The following LHFPL3 variants were observed in gnomAD, a reference collection of about 807,000 sequenced individuals.
LHFPL3 encodes LHFPL tetraspan subfamily member 3 protein.
In LHFPL3, 5 loss-of-function variants were observed where a neutral mutation model predicts 19.3. The observed-to-expected ratio is 0.26, with a 90% CI of 0.14 to 0.54. The LOEUF is 0.54. Ranked by LOEUF, LHFPL3 falls within the 20% of genes least tolerant of loss-of-function variation. The pLI is 0.94. For missense variants in LHFPL3, 249 were observed against 307.4 expected (o/e 0.81, Z 1.42); for synonymous variants, 133 against 126.2 (o/e 1.05, Z -0.36).
At chr7:104,373,185 T>G (rs1237810748) in intron 1 of LHFPL3, among the ~76,000 whole-genome samples, 3 of 152,214 alleles carry the variant, frequency 2.0e-5, no homozygotes, top group Non-Finnish European at 4.4e-5. Context: ...CCCTGTGACA[T>G]CTAATGTAAT....
chr7:104,763,407 A>T (rs1359825855), intron 2 of LHFPL3, among the ~76,000 whole-genome samples: 2 of 152,218 alleles, frequency 1.3e-5, no homozygotes, highest in Non-Finnish European at 2.9e-5. Flanking sequence ...TTGATTTCAG[A>T]AGAAAGAAGG....
At position 104,600,339 on chromosome 7, in the gene LHFPL3, T is replaced by A. The variant is rs1417690297; in HGVS notation, c.446-136336T>A. Among the ~76,000 whole-genome samples the A allele has an allele frequency of 4.6e-5, 7 of 152,194 alleles. No homozygotes were observed. The East Asian group carries it at 1.3e-3, about 29-fold the overall frequency. ...ATACGGAGCTCTGCTCTGTGGAGAATCAAACCCTCAGGAGCAAAAGGAACA... is the reference window on the plus strand; with the variant it reads ...ATACGGAGCTCTGCTCTGTGGAGAAACAAACCCTCAGGAGCAAAAGGAACA... On this transcript the variant is annotated intron_variant, in intron 1 of 2. Transcript: ENST00000424859.
At chr7:104,463,965 C>T (rs1289067517) in intron 1 of LHFPL3, among the ~76,000 whole-genome samples, 4 of 152,292 alleles carry the variant, frequency 2.6e-5, no homozygotes, top group Non-Finnish European at 5.9e-5. Flanking sequence ...CAAAAGTCCA[C>T]GTCCAAAGTC....
intron 2 of LHFPL3, among the ~76,000 whole-genome samples, chr7:104,840,995 G>T (rs1004070230): frequency 1.2e-4 from 19 of 152,218 alleles, no homozygotes; most frequent in African/African-American, 4.3e-4. Flanking sequence ...GAGTGATTTT[G>T]ATATTTGGTG....
intron 2 of LHFPL3, among the ~76,000 whole-genome samples, chr7:104,809,486 C>T (rs1790425544): frequency 6.6e-6 from 1 of 152,168 alleles, no homozygotes; most frequent in Non-Finnish European, 1.5e-5. Flanking sequence ...GACAGATTTT[C>T]TATTAGGAAA....
At chr7:104,604,917 A>C (rs1232220725) in intron 1 of LHFPL3, among the ~76,000 whole-genome samples, 1 of 152,186 alleles carries the variant, frequency 6.6e-6, no homozygotes. Flanking sequence ...GGAGCCCGGG[A>C]ATTGTTTCAA....
chr7:104,494,743 C>G (rs1447480759), intron 1 of LHFPL3, among the ~76,000 whole-genome samples: 1 of 152,114 alleles, frequency 6.6e-6, no homozygotes. Flanking sequence ...ACAAGAATTC[C>G]AAGGCTTAGG....
intron 1 of LHFPL3, among the ~76,000 whole-genome samples, chr7:104,598,428 CT>C (rs903507498): frequency 2.0e-5 from 3 of 152,164 alleles, no homozygotes; most frequent in African/African-American, 7.2e-5. Context: ...TGAAACATGG[CT>C]TTCCAGTATG....
At chr7:104,460,165 A>C (rs748095801) in intron 1 of LHFPL3, among the ~76,000 whole-genome samples, 6 of 152,160 alleles carry the variant, frequency 3.9e-5, no homozygotes, top group Non-Finnish European at 8.8e-5. Context: ...CCATGTTCCC[A>C]TAGAAGACAT....
intron 1 of LHFPL3, among the ~76,000 whole-genome samples, chr7:104,552,895 C>A (rs1415919076): frequency 1.3e-5 from 2 of 152,070 alleles, no homozygotes; most frequent in African/African-American, 4.8e-5. Context: ...CCTAGTTCTG[C>A]CTTTTACTAG....
chr7:104,420,554 A>G (rs1327612873), intron 1 of LHFPL3, among the ~76,000 whole-genome samples: 1 of 112,710 alleles, frequency 8.9e-6, no homozygotes, highest in African/African-American at 3.3e-5. Flanking sequence ...CAAAGGGTGA[A>G]TTTTTTTTTT....
intron 1 of LHFPL3, among the ~76,000 whole-genome samples, chr7:104,568,607 C>G (rs1396436343): frequency 6.6e-6 from 1 of 152,208 alleles, no homozygotes; most frequent in Non-Finnish European, 1.5e-5. Context: ...AGCTTCTAGC[C>G]TACTGGTGTC....
At chr7:104,352,777 C>T (rs902160393) in intron 1 of LHFPL3, among the ~76,000 whole-genome samples, 1 of 152,240 alleles carries the variant, frequency 6.6e-6, no homozygotes, top group Non-Finnish European at 1.5e-5. Context: ...GGACAGTTCA[C>T]GTGACCTCAC....
Position 104,515,804 on chromosome 7 carries a change from A to C in LHFPL3, c.445+186580A>C, listed in dbSNP as rs76587252. Among the ~76,000 whole-genome samples, 505 of 152,226 alleles carry C rather than the reference A, an allele frequency of 3.3e-3. 12 individuals are homozygous for C. In the East Asian group the frequency reaches 0.074, roughly 22 times the overall value. ...GGTGTGTAAGAGTTGCCTGTGGAAA[A>C]TACTGAGGCAATTTAAGTTGTTAGG... On this transcript the variant is annotated intron_variant, in intron 1 of 2. Coordinates refer to ENST00000424859, the MANE Select transcript of LHFPL3 (RefSeq NM_199000.3).
chr7:104,870,225 A>G (rs922250656), intron 2 of LHFPL3, among the ~76,000 whole-genome samples: 2 of 152,206 alleles, frequency 1.3e-5, no homozygotes, highest in African/African-American at 4.8e-5. Context: ...CATGTACCCT[A>G]AAACTTAAAG....
At chr7:104,578,847 C>G (rs149704961) in intron 1 of LHFPL3, among the ~76,000 whole-genome samples, 1 of 152,010 alleles carries the variant, frequency 6.6e-6, no homozygotes, top group African/African-American at 2.4e-5. Flanking sequence ...TCACTTGTAT[C>G]GAGAGTGGTC....
intron 1 of LHFPL3, among the ~76,000 whole-genome samples, chr7:104,344,631 A>T (rs1790029176): frequency 1.3e-5 from 2 of 152,204 alleles, no homozygotes. Context: ...TCCATGCTGT[A>T]TGTATATATG....
intron 2 of LHFPL3, among the ~76,000 whole-genome samples, chr7:104,740,306 T>TA (rs1793909591): frequency 1.3e-5 from 2 of 152,202 alleles, no homozygotes; most frequent in African/African-American, 4.8e-5. Flanking sequence ...TTATATCACT[T>TA]ACATCCCATA....
At chr7:104,343,339 C>A (rs141713364) in intron 1 of LHFPL3, among the ~76,000 whole-genome samples, 7,993 of 151,012 alleles carry the variant, frequency 0.053, 342 homozygotes, top group African/African-American at 0.12. Context: ...AGAGTGAAAC[C>A]CCATCTCTAC....
Sources: gnomAD v4.1 joint callset for allele counts (sites outside exome capture counted in the v4.1 genomes callset) on GRCh38, gnomAD v4.1.1 for gene constraint, MANE v1.5 for transcripts, NCBI Gene and HGNC (gene_info 2026-07-23, HGNC 2026-07-21) for gene names.